ENTREP2: variants seen among roughly 807,000 people sequenced by gnomAD.
The protein encoded by ENTREP2 is endosomal transmembrane epsin interactor 2, also known as protein ENTREP2.
At chr15:29,604,884 A>AT in the ENTREP2 span, among the ~76,000 whole-genome samples, 3 of 152,214 alleles carry the variant, frequency 2.0e-5, no homozygotes, top group Admixed American at 2.0e-4. Flanking sequence ...TACCGGCATC[A>AT]CGAGTAAGGG....
the ENTREP2 span, among the ~76,000 whole-genome samples, chr15:29,439,983 T>G: frequency 2.6e-5 from 4 of 152,154 alleles, no homozygotes; most frequent in African/African-American, 4.8e-5. Flanking sequence ...CTCATATTCG[T>G]AACTCCAGTC....
chr15:29,524,247 G>A, the ENTREP2 span, among the ~76,000 whole-genome samples: 1 of 152,154 alleles, frequency 6.6e-6, no homozygotes, highest in Non-Finnish European at 1.5e-5. Context: ...GAGATTTGAA[G>A]GACCAATAAG....
the ENTREP2 span, among the ~76,000 whole-genome samples, chr15:29,232,746 C>T: frequency 2.0e-5 from 3 of 152,092 alleles, no homozygotes; most frequent in African/African-American, 7.2e-5. Context: ...TGGGCTCAAG[C>T]GATCCTCCTG....
the ENTREP2 span, chr15:29,151,966 T>G: frequency 1.4e-6 from 1 of 723,174 alleles, no homozygotes; most frequent in Non-Finnish European, 2.4e-6. Context: ...AGGTTTTGTT[T>G]TGTGTGTGTC....
At chr15:29,147,672 G>A in the ENTREP2 span, among the ~76,000 whole-genome samples, 1 of 152,222 alleles carries the variant, frequency 6.6e-6, no homozygotes, top group Admixed American at 6.5e-5. Context: ...TGGATGTGAA[G>A]AAACTGGAAC....
the ENTREP2 span, among the ~76,000 whole-genome samples, chr15:29,290,328 A>C: frequency 6.6e-6 from 1 of 152,158 alleles, no homozygotes; most frequent in Non-Finnish European, 1.5e-5. Flanking sequence ...CTCTGCCTGG[A>C]AAGTTCTTCC....
chr15:29,392,663 C>T, the ENTREP2 span, among the ~76,000 whole-genome samples: 3 of 152,124 alleles, frequency 2.0e-5, no homozygotes, highest in African/African-American at 7.2e-5. Context: ...TTTTAATCTT[C>T]TTTGAGAGAT....
At chr15:29,421,248 CA>C in the ENTREP2 span, among the ~76,000 whole-genome samples, 1 of 152,170 alleles carries the variant, frequency 6.6e-6, no homozygotes, top group Middle Eastern at 3.4e-3. Flanking sequence ...GTGAACATAC[CA>C]CTCTACACAG....
At chr15:29,615,218 C>T in the ENTREP2 span, among the ~76,000 whole-genome samples, 2 of 150,716 alleles carry the variant, frequency 1.3e-5, no homozygotes, top group East Asian at 3.9e-4. Flanking sequence ...TGTAATGGTG[C>T]GATCTCAGCT....
At chr15:29,203,871 T>A in the ENTREP2 span, among the ~76,000 whole-genome samples, 5 of 152,196 alleles carry the variant, frequency 3.3e-5, no homozygotes, top group African/African-American at 9.7e-5. Context: ...AGGCTAGGCA[T>A]TAAGATTGAA....
the ENTREP2 span, chr15:29,234,435 G>A: frequency 6.3e-5 from 95 of 1,514,370 alleles, no homozygotes; most frequent in African/African-American, 8.4e-4. Context: ...GTAGTCCCTC[G>A]ACCTGCATAA....
the ENTREP2 span, among the ~76,000 whole-genome samples, chr15:29,369,592 AACACACACACAC>A: frequency 6.7e-6 from 1 of 149,362 alleles, no homozygotes; most frequent in South Asian, 2.1e-4. Context: ...GCTGAAATTA[AACACACACACAC>A]ACACACACAC....
At chr15:29,504,781 G>T in the ENTREP2 span, among the ~76,000 whole-genome samples, 1 of 152,198 alleles carries the variant, frequency 6.6e-6, no homozygotes, top group South Asian at 2.1e-4. Context: ...GAAATGCTAA[G>T]TAAAATAATA....
chr15:29,577,349 T>TGTGTGTGTGTGAGAGA, the ENTREP2 span, among the ~76,000 whole-genome samples: 1 of 144,336 alleles, frequency 6.9e-6, no homozygotes, highest in African/African-American at 2.6e-5. Context: ...TGTGTGTGTG[T>TGTGTGTGTGTGAGAGA]GAGAGAGAGA....
At chr15:29,396,096 C>G in the ENTREP2 span, among the ~76,000 whole-genome samples, 1 of 152,176 alleles carries the variant, frequency 6.6e-6, no homozygotes, top group African/African-American at 2.4e-5. Context: ...TCACTAGTTA[C>G]CATTTCTTCT....
At chr15:29,244,382 A>T in the ENTREP2 span, among the ~76,000 whole-genome samples, 1 of 152,250 alleles carries the variant, frequency 6.6e-6, no homozygotes, top group Non-Finnish European at 1.5e-5. Flanking sequence ...GGAATAAAAC[A>T]AGGGTGTTAA....
the ENTREP2 span, among the ~76,000 whole-genome samples, chr15:29,429,374 A>G: frequency 3.9e-5 from 6 of 152,166 alleles, no homozygotes; most frequent in Admixed American, 3.9e-4. Flanking sequence ...GGCACACGCT[A>G]CCACACCTGG....
chr15:29,320,133 G>A, the ENTREP2 span, among the ~76,000 whole-genome samples: 1 of 152,138 alleles, frequency 6.6e-6, no homozygotes, highest in Non-Finnish European at 1.5e-5. Flanking sequence ...AGAAACGCTT[G>A]TTAAGGTGAT....
chr15:29,423,167 C>T, the ENTREP2 span, among the ~76,000 whole-genome samples: 2 of 152,116 alleles, frequency 1.3e-5, no homozygotes, highest in Non-Finnish European at 1.5e-5. Flanking sequence ...AATAACCCCG[C>T]CTGCCCCAAA....
Sources: allele counts gnomAD v4.1 joint callset (sites outside exome capture counted in the v4.1 genomes callset), GRCh38; gene constraint gnomAD v4.1.1; transcripts MANE v1.5; gene names NCBI Gene and HGNC (gene_info 2026-07-23, HGNC 2026-07-21).